Variants in STK40 observed in about 807,000 individuals in gnomAD.
STK40 encodes serine/threonine kinase 40, also known as serine/threonine-protein kinase 40.
A neutral mutation model predicts 47.9 loss-of-function variants in STK40; 13 were observed. The ratio of observed to expected loss-of-function variants is 0.27; its 90% CI spans 0.18 to 0.43. The LOEUF (loss-of-function observed/expected upper bound fraction) is 0.43. Ranked by LOEUF, STK40 falls within the 20% of genes least tolerant of loss-of-function variation. STK40 has a pLI of 1.00. For missense variants in STK40, 460 were observed against 595.1 expected (o/e 0.77, Z 2.36); for synonymous variants, 225 against 243.2 (o/e 0.93, Z 0.69).
At position 36,358,732 on chromosome 1, in the gene STK40, C is replaced by T; in HGVS notation, c.198+5G>A. On this transcript the variant is annotated splice_donor_5th_base_variant and intron_variant, in intron 3 of 10. Transcript: ENST00000373132. ...GAGGCACCCTCACCCCCATGTCTCA[C>T]TTACCTTCAGCTGATAGAAGTCATC... 1 of 1,614,142 alleles carries T rather than the reference C, an allele frequency of 6.2e-7. No individual in the cohort carries two copies. The highest frequency in any genetic ancestry group is 8.5e-7 in the Non-Finnish European group (1 of 1,180,008).
At chr1:36,363,677 TGGTGGCG>T (rs1407299025) in intron 1 of STK40, among the ~76,000 whole-genome samples, 2 of 149,738 alleles carry the variant, frequency 1.3e-5, no homozygotes, top group East Asian at 2.0e-4. Flanking sequence ...TAGCTGAGCA[TGGTGGCG>T]GGCCCCTGTA....
chr1:36,372,558 A>G (rs1259070585), intron 1 of STK40: 10 of 152,024 alleles, frequency 6.6e-5, no homozygotes, highest in Non-Finnish European at 1.2e-4. Flanking sequence ...GCTGAATCCC[A>G]TATTCTTTTT....
At chr1:36,385,180 G>A (rs1570474149) in intron 1 of STK40, among the ~76,000 whole-genome samples, 1 of 152,308 alleles carries the variant, frequency 6.6e-6, no homozygotes, top group Non-Finnish European at 1.5e-5. Flanking sequence ...AGCTCTCCTT[G>A]GAAAAGGCCG....
intron 6 of STK40, among the ~76,000 whole-genome samples, chr1:36,350,384 G>A (rs1413521775): frequency 1.3e-5 from 2 of 152,156 alleles, no homozygotes; most frequent in East Asian, 1.9e-4. Context: ...AGAGATGGCC[G>A]CGGAAGCTGC....
intron 1 of STK40, among the ~76,000 whole-genome samples, chr1:36,381,475 C>T (rs768625234): frequency 3.3e-5 from 5 of 152,078 alleles, no homozygotes; most frequent in Non-Finnish European, 5.9e-5. Flanking sequence ...TCATTCTTCA[C>T]GATCCAATTC....
At chr1:36,359,384 C>T (rs1646832791) in intron 2 of STK40, among the ~76,000 whole-genome samples, 1 of 152,104 alleles carries the variant, frequency 6.6e-6, no homozygotes, top group Non-Finnish European at 1.5e-5. Flanking sequence ...CCAGCCAGGG[C>T]AACAGAACAA....
intron 4 of STK40, 59 bp downstream of exon 4, chr1:36,358,180 T>C: frequency 6.7e-7 from 1 of 1,486,268 alleles, no homozygotes; most frequent in Non-Finnish European, 9.0e-7. Flanking sequence ...CCCCAGCAAG[T>C]GGCAGCCCAC....
chr1:36,385,314 T>G (rs1003383631), intron 1 of STK40, among the ~76,000 whole-genome samples: 70 of 151,758 alleles, frequency 4.6e-4, no homozygotes, highest in African/African-American at 1.7e-3. Context: ...AAGCCCTGGC[T>G]GGCCCTCCCT....
At position 36,358,762 on chromosome 1, in the gene STK40, C is replaced by A. The variant is rs753401876; in HGVS notation, c.173G>T (p.Gly58Val). The A allele has an allele frequency of 1.2e-6, 2 of 1,614,194 alleles. No homozygotes were observed. Among genetic ancestry groups the A allele is most frequent in the Non-Finnish European group, 1.7e-6 (2 of 1,180,040 alleles). The change falls in exon 3 of 11, where the codon GGC (glycine) becomes GTC (valine). Residue 58 changes from glycine to valine, a missense_variant. Transcript: ENST00000373132. The part of the protein sequence containing the change: ...SIVQCLARKD[G>V]TDDFYQLKIL... ...CTTCAGCTGATAGAAGTCATCCGTG[C>A]CATCTTTCCTCGCCAAACACTGCAC...
intron 1 of STK40, among the ~76,000 whole-genome samples, chr1:36,370,415 C>T (rs1646935217): frequency 6.6e-6 from 1 of 151,012 alleles, no homozygotes; most frequent in African/African-American, 2.5e-5. Flanking sequence ...AGTCCTTCTG[C>T]TGGTCAGAAA....
chr1:36,368,292 C>T (rs980018737), intron 1 of STK40, among the ~76,000 whole-genome samples: 9 of 151,704 alleles, frequency 5.9e-5, no homozygotes, highest in African/African-American at 2.2e-4. Context: ...TATTTTTTTT[C>T]GAGACAGGGT....
chr1:36,382,594 G>A (rs1459352555), intron 1 of STK40, among the ~76,000 whole-genome samples: 4 of 152,126 alleles, frequency 2.6e-5, no homozygotes, highest in Admixed American at 1.3e-4. Context: ...TACAGACTGG[G>A]TAAACTCCCC....
At chr1:36,358,466 CT>C in intron 3 of STK40, 84 bp from the exon 4 acceptor site, 2 of 1,508,790 alleles carry the variant, frequency 1.3e-6, no homozygotes, top group East Asian at 2.3e-5. Flanking sequence ...AAGCAGGGGG[CT>C]TTTTACCACA....
At position 36,385,885 on chromosome 1, in the gene STK40, T is replaced by A. The variant is rs1287928243; in HGVS notation, c.-171A>T. On this transcript the variant is annotated 5_prime_UTR_variant, in exon 1 of 11. Transcript: ENST00000373132. ...AGCCGCCGCCGCCGCCGCCGCCGCCTCCCTCCATGGCTGCGGCGCCGCCAC... is the reference window on the plus strand; with the variant it reads ...AGCCGCCGCCGCCGCCGCCGCCGCCACCCTCCATGGCTGCGGCGCCGCCAC... The A allele has an allele frequency of 1.1e-5, 2 of 175,208 alleles. No individual in the cohort carries two copies. The highest frequency in any genetic ancestry group is 2.3e-5 in the Non-Finnish European group (2 of 86,874). The allele number at this position is 175,208 out of a possible 1,614,324, so 10.9% of individuals were successfully genotyped here.
At chr1:36,354,510 A>C in intron 5 of STK40, 94 bp from the exon 6 acceptor site, 3 of 1,332,436 alleles carry the variant, frequency 2.3e-6, no homozygotes, top group Non-Finnish European at 3.2e-6. Flanking sequence ...GTGTTCGAGA[A>C]GGCAGGAAAA....
In STK40 at chr1:36,358,380, G is replaced by A. The variant is rs1246711256; in HGVS notation, c.201C>T (p.Ile67=). 6.3e-7 allele frequency: 1 copy of A among 1,592,850 alleles called. No homozygotes were observed. Among genetic ancestry groups the A allele is most frequent in the African/African-American group, 1.3e-5 (1 of 74,470 alleles). The change falls in exon 4 of 11, where the codon ATC becomes ATT. Residue 67 remains isoleucine (I), a splice_region_variant and synonymous_variant. Transcript: ENST00000373132. ...GGTCCCCCCTCTCCTCCAGGGTCAG[G>A]ATCTTTAGGAAAGCATAAAAATAAA... ...DGTDDFYQLK[I]LTLEERGDQG...
In STK40 at chr1:36,358,245, G is replaced by C. The variant is rs539846295; in HGVS notation, c.336C>G (p.Leu112=). Residue 112 remains leucine, a synonymous_variant, in exon 4 of 11, where the codon CTC becomes CTG. Coordinates refer to ENST00000373132, the MANE Select transcript of STK40 (RefSeq NM_001282547.2). ...TQDGVVHHHG[L]FQDRTCEIVE... The stretch of plus-strand genomic sequence containing the variant: ...GAGGGGGAAGGCCGCTCACCTGGAA[G>C]AGGCCGTGGTGGTGCACCACGCCAT... The C allele has an allele frequency of 4.4e-6, 7 of 1,585,126 alleles. No homozygotes were observed. The South Asian group carries it at 6.7e-5, about 15-fold the overall frequency.
intron 1 of STK40, among the ~76,000 whole-genome samples, chr1:36,379,081 G>C (rs1207929766): frequency 6.6e-6 from 1 of 152,168 alleles, no homozygotes. Context: ...CATCAGTCCT[G>C]CTCTTGCCAA....
At chr1:36,354,087 T>C (rs984895719) in intron 6 of STK40, among the ~76,000 whole-genome samples, 1 of 152,120 alleles carries the variant, frequency 6.6e-6, no homozygotes, top group Non-Finnish European at 1.5e-5. Context: ...TTTATAGTAA[T>C]TTTATGAGTA....
Sources: allele counts gnomAD v4.1 joint callset (sites outside exome capture counted in the v4.1 genomes callset), GRCh38; gene constraint gnomAD v4.1.1; transcripts MANE v1.5; gene names NCBI Gene and HGNC (gene_info 2026-07-23, HGNC 2026-07-21).